The following CCDC39 variants were observed in gnomAD, a reference collection of about 807,000 sequenced individuals.
CCDC39 encodes the protein coiled-coil domain-containing protein 39.
In CCDC39, 113 loss-of-function variants were observed where a neutral mutation model predicts 121.0. The observed-to-expected ratio is 0.93, with a 90% confidence interval of 0.80 to 1.09. CCDC39 has a LOEUF of 1.09. Ranked by LOEUF, CCDC39 falls within the 50% of genes least tolerant of loss-of-function variation. The pLI is 0.00. For missense variants in CCDC39, 1,063 were observed against 1,074.7 expected, an observed-to-expected ratio of 0.99 and a Z score of 0.15; for synonymous variants, 349 against 352.2, an observed-to-expected ratio of 0.99 and a Z score of 0.10.
In CCDC39 at chr3:180,661,847, A is replaced by G. The variant is rs144760207; in HGVS notation, c.357+14T>C. ...GCAGTAGCACAGAATTTTAAGTAATATTTCAACATATACTTCTTTATCACT... is the reference window on the plus strand; with the variant it reads ...GCAGTAGCACAGAATTTTAAGTAATGTTTCAACATATACTTCTTTATCACT... On this transcript the variant is annotated intron_variant, in intron 3 of 19. Transcript: ENST00000476379. 2.0e-5 allele frequency: 31 copies of G among 1,565,942 alleles called. No individual in the cohort carries two copies. The African/African-American group carries it at 3.9e-4, about 20-fold the overall frequency.
intron 14 of CCDC39, among the ~76,000 whole-genome samples, chr3:180,628,429 G>A (rs1717616267): frequency 1.3e-5 from 2 of 152,044 alleles, no homozygotes; most frequent in South Asian, 2.1e-4. Context: ...GGATGGTCTC[G>A]ATCTCCTGAC....
At chr3:180,637,775 A>G (rs986061328) in intron 13 of CCDC39, among the ~76,000 whole-genome samples, 7 of 152,086 alleles carry the variant, frequency 4.6e-5, no homozygotes, top group African/African-American at 2.4e-5. Flanking sequence ...CTTGTGTTTC[A>G]TGGGAACGTG....
chr3:180,674,984 G>A (rs1712151895), intron 1 of CCDC39, among the ~76,000 whole-genome samples: 1 of 152,188 alleles, frequency 6.6e-6, no homozygotes, highest in Non-Finnish European at 1.5e-5. Flanking sequence ...TCAGGATGAT[G>A]CTGGCCTCAT....
At chr3:180,660,527 A>T (rs1711716103) in intron 4 of CCDC39, 43 bp downstream of exon 4, 1 of 1,490,528 alleles carries the variant, frequency 6.7e-7, no homozygotes, top group South Asian at 1.3e-5. Flanking sequence ...GACATACTAC[A>T]GAGTTAGAGA....
chr3:180,644,268 G>C lies in CCDC39; in HGVS notation c.1528-11C>G. 1 of 1,469,634 alleles carries C rather than the reference G, an allele frequency of 6.8e-7. No homozygotes were observed. The highest frequency in any genetic ancestry group is 1.3e-5 in the South Asian group (1 of 74,880). 91.0% of individuals were successfully genotyped at this position (1,469,634 alleles called of 1,614,324 possible). The stretch of plus-strand genomic sequence containing the variant: ...AAAATAAAGATCATTCTGCAAAAAA[G>C]AAAAAAGGTATATAAATGTATGTTT... On this transcript the variant is annotated splice_polypyrimidine_tract_variant and intron_variant, in intron 11 of 19. Transcript: ENST00000476379.
rs925538032 is a variant in CCDC39 at position 180,619,906 on chromosome 3, G to C, written c.2063C>G (p.Ala688Gly). Residue 688 changes from alanine to glycine, a missense_variant, in exon 15 of 20, where the codon GCT becomes GGT. Physicochemically the swap from Ala to Gly is moderately conservative, Grantham distance 60 (BLOSUM62 0). Coordinates refer to ENST00000476379, the MANE Select transcript of CCDC39 (RefSeq NM_181426.2). ...TTCTAGAGCGTAGATTTCTTTTTCA[G>C]CTTTGTTGATCTTGGCATCCAAACA... ...GDCLDAKINK[A>G]EKEIYALENT... The C allele has an allele frequency of 6.2e-7, 1 of 1,609,822 alleles. No homozygotes were observed. Among genetic ancestry groups the C allele is most frequent in the Non-Finnish European group, 8.5e-7 (1 of 1,178,044 alleles).
At chr3:180,678,593 G>C (rs561884609) in intron 1 of CCDC39, among the ~76,000 whole-genome samples, 1 of 151,776 alleles carries the variant, frequency 6.6e-6, no homozygotes, top group South Asian at 2.1e-4. Flanking sequence ...GGCTTTTAGG[G>C]TTCCTCCGCC....
chr3:180,660,784 A>T lies in CCDC39; in HGVS notation c.358-56T>A. The T allele has an allele frequency of 2.0e-6, 3 of 1,498,736 alleles. No individual in the cohort carries two copies. The South Asian group carries it at 3.7e-5, about 18-fold the overall frequency. The allele number at this position is 1,498,736 out of a possible 1,614,324, so 92.8% of individuals were successfully genotyped here. On this transcript the variant is annotated intron_variant, in intron 3 of 19. Transcript: ENST00000476379. ...GATTACAAAACATTACTTACTATAC[A>T]GACTAAAATAAAACATACCTTTATA... is the stretch of plus-strand genomic sequence containing the variant.
At chr3:180,657,739 A>G (rs780380439) in intron 6 of CCDC39, among the ~76,000 whole-genome samples, 50 of 152,102 alleles carry the variant, frequency 3.3e-4, no homozygotes, top group Non-Finnish European at 5.6e-4. Context: ...CAACTCAGGA[A>G]CTCGCTCTTT....
chr3:180,645,482 C>G (rs1718047669), intron 11 of CCDC39, among the ~76,000 whole-genome samples: 2 of 152,042 alleles, frequency 1.3e-5, no homozygotes, highest in Admixed American at 6.6e-5. Flanking sequence ...TCCGTTCCTC[C>G]TCTCCTCTGT....
chr3:180,660,904 T>C (rs971557969), intron 3 of CCDC39, among the ~76,000 whole-genome samples, 176 bp from the exon 4 acceptor site: 2 of 152,040 alleles, frequency 1.3e-5, no homozygotes, highest in East Asian at 3.8e-4. Flanking sequence ...TATAATTATA[T>C]AGCTTGTATC....
chr3:180,669,823 A>C (rs948724941), intron 1 of CCDC39, among the ~76,000 whole-genome samples: 5 of 152,210 alleles, frequency 3.3e-5, no homozygotes, highest in African/African-American at 1.2e-4. Context: ...ATCTATAAAA[A>C]TTTTTAAAAA....
At chr3:180,656,283 C>T (rs1430963690) in intron 6 of CCDC39, among the ~76,000 whole-genome samples, 1 of 152,108 alleles carries the variant, frequency 6.6e-6, no homozygotes, top group Non-Finnish European at 1.5e-5. Context: ...CTTAATAGTG[C>T]TATGCATCAT....
At chr3:180,654,680 A>C in intron 7 of CCDC39, 82 bp downstream of exon 7, 1 of 897,258 alleles carries the variant, frequency 1.1e-6, no homozygotes, top group Non-Finnish European at 1.6e-6. Context: ...TTTCTTTATC[A>C]CAGGAAAAGC....
chr3:180,637,199 T>C (rs1280753744), intron 13 of CCDC39, among the ~76,000 whole-genome samples: 1 of 151,860 alleles, frequency 6.6e-6, no homozygotes, highest in Non-Finnish European at 1.5e-5. Context: ...AGGTCTAATA[T>C]CCAACATCTA....
intron 3 of CCDC39, among the ~76,000 whole-genome samples, chr3:180,661,452 G>A (rs1711739876): frequency 2.6e-5 from 4 of 151,934 alleles, no homozygotes; most frequent in South Asian, 2.1e-4. Context: ...ACAGAAATAG[G>A]TTAAAGTAGT....
chr3:180,621,423 C>T, intron 14 of CCDC39, among the ~76,000 whole-genome samples: 1 of 152,094 alleles, frequency 6.6e-6, no homozygotes, highest in East Asian at 1.9e-4. Flanking sequence ...ACACCAACAT[C>T]TCTTGTTTTC....
chr3:180,661,276 CAG>C (rs1279258919), intron 3 of CCDC39, among the ~76,000 whole-genome samples: 5 of 151,704 alleles, frequency 3.3e-5, no homozygotes, highest in Non-Finnish European at 5.9e-5. Context: ...CATAAAAAAA[CAG>C]AGACAACTAT....
chr3:180,677,333 G>A (rs575039102), intron 1 of CCDC39, among the ~76,000 whole-genome samples: 1 of 148,874 alleles, frequency 6.7e-6, no homozygotes, highest in Admixed American at 6.7e-5. Flanking sequence ...AAGTGACTGC[G>A]GTAAGGACCA....
Sources: gnomAD v4.1 joint callset for allele counts (sites outside exome capture counted in the v4.1 genomes callset) on GRCh38, gnomAD v4.1.1 for gene constraint, MANE v1.5 for transcripts, NCBI Gene and HGNC (gene_info 2026-07-23, HGNC 2026-07-21) for gene names.